STK4: variants seen among roughly 807,000 people sequenced by gnomAD.
STK4 encodes serine/threonine-protein kinase 4.
STK4 carries 30 observed loss-of-function variants against 64.9 expected under a neutral mutation model. The observed-to-expected ratio is 0.46, with a 90% CI of 0.35 to 0.63. The LOEUF is 0.63. Ranked by LOEUF, STK4 falls within the 20% of genes least tolerant of loss-of-function variation. The pLI is 0.01. For missense variants in STK4, 466 were observed against 598.5 expected, an observed-to-expected ratio of 0.78 and a Z score of 2.31; for synonymous variants, 177 against 199.0, an observed-to-expected ratio of 0.89 and a Z score of 0.93.
chr20:44,991,391 G>A (rs553691558), intron 5 of STK4, among the ~76,000 whole-genome samples: 93 of 152,248 alleles, frequency 6.1e-4, no homozygotes, highest in South Asian at 3.1e-3. Context: ...TGGAATCTAG[G>A]TCAGAAAATA....
intron 5 of STK4, among the ~76,000 whole-genome samples, chr20:44,991,732 G>A (rs367858407): frequency 4.6e-5 from 7 of 151,732 alleles, no homozygotes; most frequent in East Asian, 3.9e-4. Context: ...GCACAATCAC[G>A]GCTCACTGCA....
At chr20:45,041,084 C>T (rs2145418668) in intron 10 of STK4, among the ~76,000 whole-genome samples, 1 of 152,302 alleles carries the variant, frequency 6.6e-6, no homozygotes, top group South Asian at 2.1e-4. Context: ...GGAATAATTT[C>T]TACGTGGTTA....
chr20:44,973,676 C>A (rs1477783505), intron 2 of STK4, among the ~76,000 whole-genome samples: 1 of 152,238 alleles, frequency 6.6e-6, no homozygotes, highest in Non-Finnish European at 1.5e-5. Flanking sequence ...AAAATCCTTG[C>A]TCTACTGTTT....
chr20:45,039,625 A>G (rs6031946), intron 10 of STK4, among the ~76,000 whole-genome samples: 2,948 of 152,248 alleles, frequency 0.019, 95 homozygotes, highest in African/African-American at 0.067. Flanking sequence ...GCTCAATTGC[A>G]CAAGTGCTTT....
At chr20:44,986,054 T>C (rs2067525413) in intron 4 of STK4, among the ~76,000 whole-genome samples, 1 of 152,208 alleles carries the variant, frequency 6.6e-6, no homozygotes, top group African/African-American at 2.4e-5. Context: ...TCAACAGATA[T>C]TTTTTTCAGT....
chr20:45,010,923 G>A (rs1357707738), intron 9 of STK4, among the ~76,000 whole-genome samples: 1 of 152,168 alleles, frequency 6.6e-6, no homozygotes, highest in African/African-American at 2.4e-5. Flanking sequence ...TGTTTTGGAT[G>A]TATGTATCTG....
intron 1 of STK4, among the ~76,000 whole-genome samples, chr20:44,969,778 C>T (rs2067212602): frequency 6.6e-6 from 1 of 152,298 alleles, no homozygotes; most frequent in South Asian, 2.1e-4. Flanking sequence ...ACTGTATTAT[C>T]AGAGTCAGGC....
intron 10 of STK4, among the ~76,000 whole-genome samples, chr20:45,034,574 A>G (rs1480623256): frequency 1.3e-5 from 2 of 152,166 alleles, no homozygotes; most frequent in Admixed American, 6.5e-5. Flanking sequence ...AGACCAAAAC[A>G]TACCACAAAA....
intron 3 of STK4, among the ~76,000 whole-genome samples, chr20:44,981,523 C>T (rs1181386385): frequency 1.3e-5 from 2 of 152,140 alleles, no homozygotes; most frequent in Non-Finnish European, 2.9e-5. Context: ...TAAATTTCCA[C>T]TTTTGTCAAT....
chr20:45,054,162 T>G (rs1322376418), intron 10 of STK4, among the ~76,000 whole-genome samples: 1 of 152,228 alleles, frequency 6.6e-6, no homozygotes, highest in Non-Finnish European at 1.5e-5. Flanking sequence ...CTGCCCCGCA[T>G]ATAGGCTTTA....
At chr20:45,074,929 C>T in intron 10 of STK4, 89 bp from the exon 11 acceptor site, 2 of 1,524,470 alleles carry the variant, frequency 1.3e-6, no homozygotes, top group Non-Finnish European at 1.8e-6. Context: ...GTCTCCCTTC[C>T]CTCTGGGTGC....
chr20:45,031,456 A>G (rs936313582), intron 10 of STK4, among the ~76,000 whole-genome samples: 4 of 152,226 alleles, frequency 2.6e-5, no homozygotes, highest in Admixed American at 6.5e-5. Flanking sequence ...GAAGAGAAAG[A>G]GTCTGGATAA....
At chr20:45,037,955 A>G (rs1399720412) in intron 10 of STK4, among the ~76,000 whole-genome samples, 1 of 152,168 alleles carries the variant, frequency 6.6e-6, no homozygotes, top group African/African-American at 2.4e-5. Context: ...GCTTAAGTCA[A>G]TACTGTCAAG....
At chr20:45,033,311 A>AATTGCT in intron 10 of STK4, among the ~76,000 whole-genome samples, 1 of 152,216 alleles carries the variant, frequency 6.6e-6, no homozygotes, top group South Asian at 2.1e-4. Context: ...TTTCTGTTAC[A>AATTGCT]ATTGCTTTTG....
intron 10 of STK4, among the ~76,000 whole-genome samples, chr20:45,070,182 G>A (rs1979932735): frequency 6.6e-6 from 1 of 152,198 alleles, no homozygotes; most frequent in Admixed American, 6.5e-5. Context: ...TGAAGTTGGA[G>A]GGGAGGCAGG....
At chr20:45,026,367 A>T (rs1054402883) in intron 10 of STK4, among the ~76,000 whole-genome samples, 2 of 147,822 alleles carry the variant, frequency 1.4e-5, no homozygotes, top group Non-Finnish European at 3.0e-5. Context: ...TTTTAAAAAT[A>T]AGAGTAGTCA....
chr20:44,985,732 T>A (rs2067520456), intron 4 of STK4, among the ~76,000 whole-genome samples: 1 of 152,236 alleles, frequency 6.6e-6, no homozygotes, highest in East Asian at 1.9e-4. Flanking sequence ...TTAATTGATT[T>A]TCATGACACT....
chr20:44,975,059 A>G (rs908462835), intron 2 of STK4: 3 of 152,250 alleles, frequency 2.0e-5, no homozygotes, highest in African/African-American at 7.2e-5. Context: ...TAACAAAAGC[A>G]TCTTGCCCAT....
At chr20:45,008,186 C>T (rs1056312209) in intron 9 of STK4, among the ~76,000 whole-genome samples, 1 of 152,160 alleles carries the variant, frequency 6.6e-6, no homozygotes, top group African/African-American at 2.4e-5. Context: ...TCCTGAGTAG[C>T]TGGGATTACA....
Sources: allele counts gnomAD v4.1 joint callset (sites outside exome capture counted in the v4.1 genomes callset), GRCh38; gene constraint gnomAD v4.1.1; transcripts MANE v1.5; gene names NCBI Gene and HGNC (gene_info 2026-07-23, HGNC 2026-07-21).